THOC7: variants seen among roughly 807,000 people sequenced by gnomAD.
The protein encoded by THOC7 is NIF3L1-binding protein 1.
Under a neutral mutation model 33.1 loss-of-function variants are expected in THOC7, and 22 were observed. That is an observed-to-expected ratio of 0.66 (90% CI 0.47 to 0.95). THOC7 has a LOEUF of 0.95. Among genes scored for constraint, THOC7 ranks in the 40% least tolerant of loss-of-function variants. The pLI, the probability that THOC7 is intolerant of heterozygous loss-of-function variation, is 0.00. For missense variants in THOC7, 184 were observed against 245.3 expected (o/e 0.75, Z 1.67); for synonymous variants, 77 against 76.8 (o/e 1.00, Z -0.01).
chr3:63,835,537 T>G, intron 5 of THOC7, 147 bp from the exon 6 acceptor site: 1 of 576,662 alleles, frequency 1.7e-6, no homozygotes. Context: ...GTGAAACTTT[T>G]AAAGCTGAGG....
intron 1 of THOC7, among the ~76,000 whole-genome samples, chr3:63,850,634 T>C (rs912669407): frequency 7.0e-6 from 1 of 143,486 alleles, no homozygotes; most frequent in Non-Finnish European, 1.5e-5. Flanking sequence ...TCGCCCAGCC[T>C]GGAGTACAGT....
chr3:63,844,792 T>A (rs1701850556), intron 1 of THOC7, among the ~76,000 whole-genome samples: 1 of 152,234 alleles, frequency 6.6e-6, no homozygotes, highest in Non-Finnish European at 1.5e-5. Context: ...ATCTTGAATT[T>A]CCCACCCTCT....
At chr3:63,849,720 T>C (rs761015881) in intron 1 of THOC7, among the ~76,000 whole-genome samples, 3 of 152,240 alleles carry the variant, frequency 2.0e-5, no homozygotes, top group African/African-American at 4.8e-5. Context: ...AAAGTTATAG[T>C]GGCCTTGTTA....
chr3:63,863,357 C>T, intron 1 of THOC7: 1 of 805,410 alleles, frequency 1.2e-6, no homozygotes, highest in Non-Finnish European at 1.5e-6. Context: ...AGCCCGGCAC[C>T]ACTGTCCACC....
chr3:63,842,009 G>T (rs370396453), intron 1 of THOC7, among the ~76,000 whole-genome samples: 42 of 152,204 alleles, frequency 2.8e-4, no homozygotes, highest in African/African-American at 9.4e-4. Context: ...TAAAGTAATA[G>T]GAAAACAACA....
chr3:63,839,795 T>TTACC (rs1389335626), intron 1 of THOC7, 22 bp from the exon 2 acceptor site: 48 of 1,597,126 alleles, frequency 3.0e-5, no homozygotes, highest in Non-Finnish European at 3.8e-5. Flanking sequence ...AAGGGCAATG[T>TTACC]TACCATCTGG....
chr3:63,842,768 G>C (rs1027954972), intron 1 of THOC7, among the ~76,000 whole-genome samples: 3 of 152,096 alleles, frequency 2.0e-5, no homozygotes, highest in Non-Finnish European at 4.4e-5. Context: ...GTACACACTT[G>C]TGTAGTACAC....
At position 63,837,222 on chromosome 3, in the gene THOC7, C is replaced by A. The variant is rs575959670; in HGVS notation, c.352+754G>T. Among the ~76,000 whole-genome samples the A allele has an allele frequency of 7.3e-3, 1,104 of 151,958 alleles. 4 individuals carry two copies. The highest frequency in any genetic ancestry group is 0.015 in the South Asian group (70 of 4,820). On this transcript the variant is annotated intron_variant, in intron 4 of 7. Coordinates refer to ENST00000295899, the MANE Select transcript of THOC7 (RefSeq NM_025075.4). The stretch of plus-strand genomic sequence containing the variant: ...CTATGTAAAACAAAACAAAACAACA[C>A]AAAAACAGAGAAAAGAACCTAAGCC...
intron 1 of THOC7, chr3:63,861,121 A>C (rs1336641797): frequency 6.6e-6 from 1 of 152,182 alleles, no homozygotes; most frequent in African/African-American, 2.4e-5. Context: ...TTTTGTGTTT[A>C]ATCCTCAAAA....
At chr3:63,864,463 G>C (rs893502603), upstream of THOC7, 3 of 152,026 alleles carry the variant, frequency 2.0e-5, no homozygotes, top group African/African-American at 7.2e-5. Context: ...CTTGCGCGGG[G>C]CGCGGCCGGC....
chr3:63,863,671 G>C, intron 1 of THOC7, 101 bp downstream of exon 1: 1 of 1,233,066 alleles, frequency 8.1e-7, no homozygotes, highest in Non-Finnish European at 1.0e-6. Flanking sequence ...AGAGGCCGGG[G>C]AGGCCGAGGG....
rs1362228903 is a variant in THOC7, at chr3:63,835,312, A to G, written c.477+12T>C. ...TAGACAGATCATGAAGGCTAAATAT[A>G]TATGCGAATACCTTATCTTCAACAC... is the stretch of plus-strand genomic sequence containing the variant. On this transcript the variant is annotated intron_variant, in intron 6 of 7. Transcript: ENST00000295899. The G allele has an allele frequency of 1.2e-6, 2 of 1,613,490 alleles. No homozygotes were observed. Among genetic ancestry groups the G allele is most frequent in the South Asian group, 1.1e-5 (1 of 91,044 alleles).
At chr3:63,855,294 C>G (rs1702094920) in intron 1 of THOC7, among the ~76,000 whole-genome samples, 1 of 150,736 alleles carries the variant, frequency 6.6e-6, no homozygotes, top group Non-Finnish European at 1.5e-5. Context: ...CTTTCAAAAT[C>G]AGTTTAAAAT....
At chr3:63,862,804 C>T (rs1702257858) in intron 1 of THOC7, among the ~76,000 whole-genome samples, 1 of 152,114 alleles carries the variant, frequency 6.6e-6, no homozygotes, top group Non-Finnish European at 1.5e-5. Flanking sequence ...AAAGGACCTC[C>T]TTCCTCCCTA....
At chr3:63,834,240 C>T in intron 7 of THOC7, 41 bp from the exon 8 acceptor site, 1 of 1,599,842 alleles carries the variant, frequency 6.3e-7, no homozygotes. Flanking sequence ...GTCAAGTTTG[C>T]CTATATTTTA....
chr3:63,855,538 A>G (rs1702098901), intron 1 of THOC7, among the ~76,000 whole-genome samples: 2 of 152,208 alleles, frequency 1.3e-5, no homozygotes, highest in African/African-American at 4.8e-5. Flanking sequence ...TGACACAGCC[A>G]TTTTAGCTGT....
intron 5 of THOC7, 141 bp from the exon 6 acceptor site, chr3:63,835,531 A>G (rs1701614499): frequency 1.7e-6 from 1 of 598,566 alleles, no homozygotes; most frequent in Admixed American, 3.4e-5. Flanking sequence ...ATTATGGTGA[A>G]ACTTTTAAAG....
intron 5 of THOC7, 148 bp downstream of exon 5, chr3:63,836,153 A>G (rs1442945295): frequency 1.5e-6 from 1 of 655,478 alleles, no homozygotes; most frequent in Non-Finnish European, 2.4e-6. Flanking sequence ...AATAAAATCT[A>G]ACAGAGAAGT....
upstream of THOC7, among the ~76,000 whole-genome samples, chr3:63,864,275 C>T (rs1386623284): frequency 2.0e-5 from 3 of 151,448 alleles, no homozygotes; most frequent in African/African-American, 7.3e-5. Flanking sequence ...CCGCCCCATC[C>T]AGGGTGACGC....
Sources: gnomAD v4.1 joint callset for allele counts (sites outside exome capture counted in the v4.1 genomes callset) on GRCh38, gnomAD v4.1.1 for gene constraint, MANE v1.5 for transcripts, NCBI Gene and HGNC (gene_info 2026-07-23, HGNC 2026-07-21) for gene names.